Variants in SEL1L3 observed in about 807,000 individuals in gnomAD.
SEL1L3 encodes the protein SEL1L family member 3.
Under a neutral mutation model 142.8 loss-of-function variants are expected in SEL1L3, and 76 were observed. The observed-to-expected ratio is 0.53, with a 90% CI of 0.44 to 0.64. SEL1L3 has a LOEUF of 0.64. Among genes scored for constraint, SEL1L3 ranks in the 30% least tolerant of loss-of-function variants. The pLI, the probability that SEL1L3 is intolerant of heterozygous loss-of-function variation, is 0.00. For missense variants in SEL1L3, 1,262 were observed against 1,381.7 expected (o/e 0.91, Z 1.37); for synonymous variants, 504 against 519.6 (o/e 0.97, Z 0.41).
In SEL1L3 at chr4:25,767,838, T is replaced by C. The variant is rs145133532; in HGVS notation, c.2670-8A>G. On this transcript the variant is annotated splice_polypyrimidine_tract_variant and splice_region_variant and intron_variant, in intron 17 of 23. Transcript: ENST00000399878. ...TACAGCAAAGCTTCATGCCTAAAAA[T>C]AGATGATTAATAATAAATTTCATAT... 2,434 of 1,506,878 alleles carry C rather than the reference T, an allele frequency of 1.6e-3. 29 individuals are homozygous for C. The African/African-American group carries it at 0.025, about 15-fold the overall frequency. 93.3% of individuals were successfully genotyped at this position (1,506,878 alleles called of 1,614,324 possible).
At chr4:25,798,422 C>T (rs1210289369) in intron 11 of SEL1L3, among the ~76,000 whole-genome samples, 1 of 151,982 alleles carries the variant, frequency 6.6e-6, no homozygotes, top group African/African-American at 2.4e-5. Flanking sequence ...TTCATGAGAC[C>T]CTCCATGGTG....
At chr4:25,767,701 C>T (rs1308020203) in intron 18 of SEL1L3, 39 bp downstream of exon 18, 2 of 1,474,950 alleles carry the variant, frequency 1.4e-6, no homozygotes, top group African/African-American at 2.8e-5. Flanking sequence ...TTATCCTTAA[C>T]CTCAGAGCTT....
At chr4:25,808,978 C>T (rs1713824736) in intron 9 of SEL1L3, among the ~76,000 whole-genome samples, 1 of 146,618 alleles carries the variant, frequency 6.8e-6, no homozygotes, top group Non-Finnish European at 1.5e-5. Flanking sequence ...GAGGGTGAGG[C>T]AGGAGAATGG....
intron 14 of SEL1L3, among the ~76,000 whole-genome samples, chr4:25,783,779 T>C (rs1339744775): frequency 6.6e-6 from 1 of 152,108 alleles, no homozygotes; most frequent in Admixed American, 6.5e-5. Flanking sequence ...AGCAATAAAC[T>C]TAATAAACAG....
At chr4:25,734,921 G>C in the SEL1L3 span, among the ~76,000 whole-genome samples, 1 of 151,996 alleles carries the variant, frequency 6.6e-6, no homozygotes. Context: ...TACTATTTTT[G>C]TAATATTTTG....
chr4:25,806,935 T>C (rs1394376682), intron 9 of SEL1L3, among the ~76,000 whole-genome samples: 1 of 152,156 alleles, frequency 6.6e-6, no homozygotes, highest in East Asian at 1.9e-4. Flanking sequence ...CTTTCTTTAA[T>C]AACGAAGATT....
At chr4:25,796,909 G>A (rs770709286) in intron 11 of SEL1L3, among the ~76,000 whole-genome samples, 1 of 151,586 alleles carries the variant, frequency 6.6e-6, no homozygotes, top group Non-Finnish European at 1.5e-5. Context: ...GGACAGTGAC[G>A]CGGGAAGGAC....
At chr4:25,782,155 G>C (rs1720044780) in intron 15 of SEL1L3, 87 bp downstream of exon 15, 2 of 1,156,086 alleles carry the variant, frequency 1.7e-6, no homozygotes, top group South Asian at 1.4e-5. Context: ...GTCTGGGGTT[G>C]GGTCTGGTGC....
the SEL1L3 span, among the ~76,000 whole-genome samples, chr4:25,729,790 C>T: frequency 6.6e-6 from 1 of 152,154 alleles, no homozygotes; most frequent in Non-Finnish European, 1.5e-5. Context: ...CCTCTGGTGA[C>T]GTGCCTGTGT....
intron 11 of SEL1L3, among the ~76,000 whole-genome samples, chr4:25,799,497 TGGGAATTGGA>T (rs1713029666): frequency 6.6e-6 from 1 of 152,216 alleles, no homozygotes; most frequent in Non-Finnish European, 1.5e-5. Context: ...TCTGAGGTAC[TGGGAATTGGA>T]ACCTCAACAT....
At chr4:25,809,179 T>G (rs1331329859) in intron 9 of SEL1L3, among the ~76,000 whole-genome samples, 1 of 151,846 alleles carries the variant, frequency 6.6e-6, no homozygotes, top group East Asian at 1.9e-4. Context: ...AATCTTGCTC[T>G]GTCGCCCAGA....
At chr4:25,776,936 A>G (rs1342674270) in intron 16 of SEL1L3, among the ~76,000 whole-genome samples, 14 of 152,138 alleles carry the variant, frequency 9.2e-5, no homozygotes, top group Admixed American at 9.2e-4. Context: ...GAAAATAAAC[A>G]GGAAAATGGT....
At chr4:25,730,423 C>T in the SEL1L3 span, among the ~76,000 whole-genome samples, 22 of 151,778 alleles carry the variant, frequency 1.4e-4, no homozygotes, top group Non-Finnish European at 1.5e-4. Context: ...CTAGTTAGTC[C>T]GATATAATAA....
chr4:25,725,003 T>C, the SEL1L3 span, among the ~76,000 whole-genome samples: 3 of 151,954 alleles, frequency 2.0e-5, no homozygotes, highest in Non-Finnish European at 4.4e-5. Flanking sequence ...TCAAGATATC[T>C]TCCCAGAGGA....
chr4:25,851,036 A>G (rs1716858545), intron 1 of SEL1L3, among the ~76,000 whole-genome samples: 1 of 151,984 alleles, frequency 6.6e-6, no homozygotes, highest in Non-Finnish European at 1.5e-5. Context: ...TTTTTAGTAG[A>G]GATGGGGTTT....
Position 25,790,510 on chromosome 4 carries a change from C to G in SEL1L3, c.2021G>C (p.Gly674Ala). ...EILKVQTKED[G>A]DVFMWLKHEA... is the part of the protein sequence containing the mutation. ...ATGCTTCAACCACATAAAGACATCTCCATCTTCTTTGGTTTGTACCTTGAG... is the reference window on the plus strand; with the variant it reads ...ATGCTTCAACCACATAAAGACATCTGCATCTTCTTTGGTTTGTACCTTGAG... The change falls in exon 12 of 24, where the codon GGA becomes GCA. Residue 674 changes from glycine (G) to alanine (A), a missense_variant. Transcript: ENST00000399878. 1 of 1,613,524 alleles carries G rather than the reference C, an allele frequency of 6.2e-7. No individual in the cohort carries two copies. Among genetic ancestry groups the G allele is most frequent in the Non-Finnish European group, 8.5e-7 (1 of 1,179,774 alleles).
At chr4:25,754,667 G>T (rs1717837002) in intron 23 of SEL1L3, among the ~76,000 whole-genome samples, 1 of 151,728 alleles carries the variant, frequency 6.6e-6, no homozygotes, top group Non-Finnish European at 1.5e-5. Flanking sequence ...CAGCAGTGTG[G>T]GCATCATCTA....
At chr4:25,784,550 T>C (rs1363528344) in intron 13 of SEL1L3, among the ~76,000 whole-genome samples, 1 of 152,158 alleles carries the variant, frequency 6.6e-6, no homozygotes, top group African/African-American at 2.4e-5. Context: ...ACCCTGTCAA[T>C]CCACAGGTAC....
At chr4:25,802,225 T>G (rs185538134) in intron 11 of SEL1L3, 58 bp downstream of exon 11, 1 of 1,499,616 alleles carries the variant, frequency 6.7e-7, no homozygotes, top group Non-Finnish European at 9.1e-7. Context: ...GGGCAGACAC[T>G]TCATGAAAGC....
Sources: allele counts gnomAD v4.1 joint callset (sites outside exome capture counted in the v4.1 genomes callset), GRCh38; gene constraint gnomAD v4.1.1; transcripts MANE v1.5; gene names NCBI Gene and HGNC (gene_info 2026-07-23, HGNC 2026-07-21).